PHF21A: variants seen among roughly 807,000 people sequenced by gnomAD.
PHF21A encodes the protein BHC80a.
In PHF21A, 11 loss-of-function variants were observed where a neutral mutation model predicts 82.5. The ratio of observed to expected loss-of-function variants is 0.13; its 90% CI spans 0.08 to 0.22. The LOEUF (loss-of-function observed/expected upper bound fraction) is 0.22. Among genes scored for constraint, PHF21A ranks in the 10% least tolerant of loss-of-function variants. The pLI is 1.00. For synonymous variants in PHF21A, 297 were observed against 302.8 expected, an observed-to-expected ratio of 0.98 and a Z score of 0.20; for missense variants, 579 against 837.8, an observed-to-expected ratio of 0.69 and a Z score of 3.81.
At chr11:46,112,938 T>C (rs1385941256) in intron 1 of PHF21A, among the ~76,000 whole-genome samples, 1 of 144,160 alleles carries the variant, frequency 6.9e-6, no homozygotes, top group Non-Finnish European at 1.5e-5. Context: ...TAGTAGCTGA[T>C]AAAAAATACA....
intron 6 of PHF21A, among the ~76,000 whole-genome samples, chr11:46,002,799 A>C (rs763422411): frequency 6.6e-6 from 1 of 152,150 alleles, no homozygotes; most frequent in Non-Finnish European, 1.5e-5. Context: ...ATCTTTATTC[A>C]AAAGACCCTT....
intron 3 of PHF21A, among the ~76,000 whole-genome samples, chr11:46,089,775 A>G (rs896382466): frequency 1.6e-5 from 2 of 126,904 alleles, no homozygotes; most frequent in Non-Finnish European, 3.1e-5. Context: ...TGAGTATAAA[A>G]TATCTTTCTA....
At chr11:46,046,598 C>A (rs967015006) in intron 6 of PHF21A, among the ~76,000 whole-genome samples, 5 of 152,162 alleles carry the variant, frequency 3.3e-5, no homozygotes, top group African/African-American at 1.2e-4. Flanking sequence ...CCTTTCTAAT[C>A]ATTTTGTGCA....
chr11:45,996,354 T>C (rs1346898197), intron 6 of PHF21A, among the ~76,000 whole-genome samples: 1 of 152,216 alleles, frequency 6.6e-6, no homozygotes, highest in Non-Finnish European at 1.5e-5. Context: ...ATCACATTGG[T>C]GTCTACAAGC....
At chr11:46,060,418 C>A (rs552015506) in intron 6 of PHF21A, among the ~76,000 whole-genome samples, 2 of 152,204 alleles carry the variant, frequency 1.3e-5, no homozygotes, top group South Asian at 4.1e-4. Flanking sequence ...AGGCAAGAAA[C>A]AAGTTGTAAT....
At chr11:46,020,328 C>T (rs1225868083) in intron 6 of PHF21A, among the ~76,000 whole-genome samples, 2 of 152,186 alleles carry the variant, frequency 1.3e-5, no homozygotes, top group African/African-American at 4.8e-5. Context: ...GAAGTGGCTG[C>T]TAGTATCCTG....
At chr11:46,037,001 G>A (rs555525291) in intron 6 of PHF21A, among the ~76,000 whole-genome samples, 373 of 152,086 alleles carry the variant, frequency 2.5e-3, no homozygotes, top group Non-Finnish European at 4.5e-3. Flanking sequence ...AAAAGCCACT[G>A]CACCTGGCCA....
At chr11:46,089,047 G>C (rs1418309139) in intron 3 of PHF21A, among the ~76,000 whole-genome samples, 1 of 27,520 alleles carries the variant, frequency 3.6e-5, no homozygotes, top group African/African-American at 8.0e-5. Context: ...ATGACACAGT[G>C]TGCCCCAAAC....
chr11:46,083,912 TTTG>T (rs772315953), intron 4 of PHF21A, among the ~76,000 whole-genome samples: 2 of 152,234 alleles, frequency 1.3e-5, no homozygotes, highest in Non-Finnish European at 1.5e-5. Context: ...TTCTTTCTTT[TTTG>T]TTAACACCTT....
intron 6 of PHF21A, among the ~76,000 whole-genome samples, chr11:45,993,613 AGACT>A (rs1398108384): frequency 2.6e-5 from 4 of 151,852 alleles, no homozygotes; most frequent in African/African-American, 9.7e-5. Flanking sequence ...GCATCCAAGC[AGACT>A]GACTGAATGC....
At chr11:45,978,844 G>T (rs2094158746) in intron 7 of PHF21A, among the ~76,000 whole-genome samples, 1 of 151,760 alleles carries the variant, frequency 6.6e-6, no homozygotes, top group Non-Finnish European at 1.5e-5. Flanking sequence ...TGCCCTTTTT[G>T]GTAAAAACAT....
chr11:46,059,931 T>C (rs1399023500), intron 6 of PHF21A, among the ~76,000 whole-genome samples: 2 of 152,052 alleles, frequency 1.3e-5, no homozygotes, highest in African/African-American at 4.8e-5. Context: ...TTAGTACAGA[T>C]GGGGTTTCGC....
rs938361923 is a variant in PHF21A, at chr11:45,945,977, G to A, written c.1315C>T (p.Leu439=). 6.2e-7 allele frequency: 1 copy of A among 1,613,738 alleles called. No homozygotes were observed. Among genetic ancestry groups the A allele is most frequent in the African/African-American group, 1.3e-5 (1 of 74,868 alleles). The change falls in exon 15 of 19, where the codon CTG becomes TTG. Residue 439 remains leucine, a synonymous_variant. Transcript: ENST00000676320. The part of the protein sequence containing the change: ...RGRPPKYNAV[L]GFGALTPTSP... ...GTTGGGGTAAGGGCTCCAAACCCCA[G>A]CACTGCATTGTATTTTGGAGGACGA...
intron 1 of PHF21A, among the ~76,000 whole-genome samples, chr11:46,108,567 G>GTGTATATA (rs1555199216): frequency 7.1e-4 from 44 of 62,228 alleles, no homozygotes; most frequent in East Asian, 1.7e-3. Context: ...GTGTGTGTGT[G>GTGTATATA]TATATATATA....
At chr11:46,035,199 G>A (rs1375066055) in intron 6 of PHF21A, among the ~76,000 whole-genome samples, 1 of 152,130 alleles carries the variant, frequency 6.6e-6, no homozygotes, top group Non-Finnish European at 1.5e-5. Flanking sequence ...TCCTGACTAG[G>A]AGCCTCACTT....
Position 46,062,064 on chromosome 11 carries a change from A to G in PHF21A, c.153+14690T>C, listed in dbSNP as rs536616591. 2.6e-4 allele frequency among the ~76,000 whole-genome samples: 39 copies of G among 150,594 alleles called. 1 individual carries two copies. The highest frequency in any genetic ancestry group is 8.3e-4 in the African/African-American group (34 of 41,174). On this transcript the variant is annotated intron_variant, in intron 6 of 18. Coordinates refer to ENST00000676320, the MANE Select transcript of PHF21A (RefSeq NM_001352027.3). ...GAAGTCTGATGACATCTGATTCCCA[A>G]TCCCTGTTTGCAACTGTTTTTTGTT...
intron 7 of PHF21A, among the ~76,000 whole-genome samples, chr11:45,978,924 T>G (rs55969426): frequency 2.3e-4 from 35 of 152,352 alleles, no homozygotes; most frequent in African/African-American, 8.2e-4. Flanking sequence ...TAGCTTTCAT[T>G]TCAGATTCCC....
intron 1 of PHF21A, chr11:46,117,823 C>T (rs1385371119): frequency 3.9e-5 from 6 of 152,202 alleles, no homozygotes; most frequent in Admixed American, 1.3e-4. Flanking sequence ...GGCCAGAATC[C>T]TTATACTATC....
chr11:46,064,657 G>A (rs958765090), intron 6 of PHF21A, among the ~76,000 whole-genome samples: 6 of 152,094 alleles, frequency 3.9e-5, no homozygotes, highest in African/African-American at 1.4e-4. Flanking sequence ...AAAAAGAAGT[G>A]AAGGAATATA....
Sources: gnomAD v4.1 joint callset for allele counts (sites outside exome capture counted in the v4.1 genomes callset) on GRCh38, gnomAD v4.1.1 for gene constraint, MANE v1.5 for transcripts, NCBI Gene and HGNC (gene_info 2026-07-23, HGNC 2026-07-21) for gene names.